The following PA2G4 variants were observed in gnomAD, a reference collection of about 807,000 sequenced individuals.
The protein encoded by PA2G4 is proliferation-associated protein 2G4.
Under a neutral mutation model 53.3 loss-of-function variants are expected in PA2G4, and 8 were observed. The ratio of observed to expected loss-of-function variants is 0.15; its 90% CI spans 0.09 to 0.27. The LOEUF (loss-of-function observed/expected upper bound fraction) is 0.27, where lower values mean the gene tolerates loss of function less well. PA2G4 is among the 10% of genes least tolerant of loss of function. The probability of loss-of-function intolerance (pLI) is 1.00; values close to 1 mark genes in which losing one functional copy is unlikely to be tolerated. For synonymous variants in PA2G4, 143 were observed against 169.8 expected, an observed-to-expected ratio of 0.84 and a Z score of 1.23; for missense variants, 208 against 486.8, an observed-to-expected ratio of 0.43 and a Z score of 5.39.
intron 6 of PA2G4, 139 bp from the exon 7 acceptor site, chr12:56,109,718 C>T (rs960542733): frequency 1.1e-5 from 7 of 660,410 alleles, no homozygotes; most frequent in East Asian, 2.6e-5. Context: ...CCAGTCTAAG[C>T]CAGAAATCTC....
chr12:56,105,587 A>G (rs1869283698), intron 1 of PA2G4, among the ~76,000 whole-genome samples: 2 of 152,162 alleles, frequency 1.3e-5, no homozygotes, highest in South Asian at 2.1e-4. Context: ...TGACAACTCA[A>G]ATGTTTTGGG....
intron 10 of PA2G4, 48 bp downstream of exon 10, chr12:56,111,106 TC>T (rs755759494): frequency 6.2e-7 from 1 of 1,612,632 alleles, no homozygotes; most frequent in South Asian, 1.1e-5. Context: ...TTATAAGATA[TC>T]CTTCCTGTAA....
At chr12:56,107,436 A>T in intron 4 of PA2G4, 85 bp from the exon 5 acceptor site, 1 of 1,083,012 alleles carries the variant, frequency 9.2e-7, no homozygotes, top group Middle Eastern at 2.6e-4. Flanking sequence ...TGGTCTTCGC[A>T]TATGGGCTCA....
At position 56,113,227 on chromosome 12, in the gene PA2G4, G is replaced by A; in HGVS notation, c.*339G>A. 1 of 200,232 alleles carries A rather than the reference G, an allele frequency of 5.0e-6. No homozygotes were observed. Among genetic ancestry groups the A allele is most frequent in the South Asian group, 1.3e-4 (1 of 7,468 alleles). 12.4% of individuals were successfully genotyped at this position (200,232 alleles called of 1,614,324 possible). ...TGGTCAAGGTTTGTGCCCCACTACA[G>A]AACAGGGCTAAATTAGCCACCACCA... On this transcript the variant is annotated 3_prime_UTR_variant, in exon 13 of 13. Coordinates refer to ENST00000303305, the MANE Select transcript of PA2G4 (RefSeq NM_006191.3).
Position 56,106,586 on chromosome 12 carries a change from A to G in PA2G4, c.89-2A>G. The G allele has an allele frequency of 6.4e-7, 1 of 1,567,526 alleles. No individual in the cohort carries two copies. Among genetic ancestry groups the G allele is most frequent in the Non-Finnish European group, 8.6e-7 (1 of 1,165,516 alleles). On this transcript the variant is annotated splice_acceptor_variant, in intron 1 of 12. Transcript: ENST00000303305. LOFTEE classifies it high-confidence loss of function. ...GCTGACATGATGGGATTCTGTCCTC[A>G]GGGGTACTTCGGTCCTTGGTGGAAG...
chr12:56,111,630 T>C, intron 12 of PA2G4, 101 bp downstream of exon 12: 1 of 998,282 alleles, frequency 1.0e-6, no homozygotes, highest in Non-Finnish European at 1.6e-6. Flanking sequence ...ATACAGATGC[T>C]CCTCAACTTA....
intron 3 of PA2G4, 34 bp from the exon 4 acceptor site, chr12:56,107,153 G>C (rs774790622): frequency 1.3e-5 from 21 of 1,603,798 alleles, no homozygotes; most frequent in Non-Finnish European, 1.8e-5. Flanking sequence ...CAAAATGCCA[G>C]TTCCTAATGC....
chr12:56,112,984 G>T lies in PA2G4; in HGVS notation c.*96G>T. ...GTGCAGTTCTTCTCCACCTAGGACC[G>T]CCAGCAGAGCGGGGGGATCTCCCTG... On this transcript the variant is annotated 3_prime_UTR_variant, in exon 13 of 13. Transcript: ENST00000303305. 1 of 774,934 alleles carries T rather than the reference G, an allele frequency of 1.3e-6. No homozygotes were observed. Among genetic ancestry groups the T allele is most frequent in the Non-Finnish European group, 2.0e-6 (1 of 499,980 alleles). 48.0% of individuals were successfully genotyped at this position (774,934 alleles called of 1,614,324 possible).
intron 1 of PA2G4, chr12:56,106,309 G>A: frequency 3.6e-6 from 1 of 281,184 alleles, no homozygotes; most frequent in Non-Finnish European, 6.6e-6. Flanking sequence ...CGTGTATGTG[G>A]GGATACCATG....
chr12:56,109,489 G>A (rs1869372909), intron 6 of PA2G4, among the ~76,000 whole-genome samples, 196 bp downstream of exon 6: 1 of 151,910 alleles, frequency 6.6e-6, no homozygotes, highest in Admixed American at 6.6e-5. Context: ...GCGTGGTGGT[G>A]GGTGCCTGTA....
chr12:56,108,270 C>G (rs1034885826), intron 5 of PA2G4, among the ~76,000 whole-genome samples: 2 of 152,188 alleles, frequency 1.3e-5, no homozygotes, highest in African/African-American at 4.8e-5. Flanking sequence ...TGACCAAGTT[C>G]TTTCACTTAA....
intron 5 of PA2G4, 37 bp downstream of exon 5, chr12:56,107,650 C>G (rs368902723): frequency 1.1e-5 from 16 of 1,434,382 alleles, no homozygotes; most frequent in African/African-American, 2.8e-5. Flanking sequence ...CTCGTTTGAA[C>G]CAAAGATGCA....
chr12:56,110,188 GTC>G (rs1213775160), intron 7 of PA2G4, among the ~76,000 whole-genome samples: 2 of 151,986 alleles, frequency 1.3e-5, no homozygotes, highest in Admixed American at 1.3e-4. Context: ...GCGAAACCCT[GTC>G]TCTACTAAAA....
chr12:56,108,683 G>A (rs929949330), intron 5 of PA2G4, among the ~76,000 whole-genome samples: 6 of 152,162 alleles, frequency 3.9e-5, no homozygotes, highest in Non-Finnish European at 7.3e-5. Context: ...TTGACTTAGT[G>A]ATATTTTCAA....
chr12:56,113,033 A>T lies in PA2G4; in HGVS notation c.*145A>T. The T allele has an allele frequency of 2.0e-6, 1 of 504,740 alleles. No individual in the cohort carries two copies. The highest frequency in any genetic ancestry group is 3.4e-6 in the Non-Finnish European group (1 of 293,074). 31.3% of individuals were successfully genotyped at this position (504,740 alleles called of 1,614,324 possible). A position where few individuals can be genotyped will look rare whatever the true frequency, so the allele number is the denominator to read the frequency against. ...TGCCCCCACCCCAGTTCCCCAACCC[A>T]CTCCCTTCCAACAACAACCAGCTCC... On this transcript the variant is annotated 3_prime_UTR_variant, in exon 13 of 13. Transcript: ENST00000303305.
chr12:56,107,945 C>G (rs1421947745), intron 5 of PA2G4, among the ~76,000 whole-genome samples: 1 of 152,162 alleles, frequency 6.6e-6, no homozygotes, highest in Non-Finnish European at 1.5e-5. Flanking sequence ...GGGAGAATCA[C>G]CTGAGCCTGG....
intron 1 of PA2G4, chr12:56,105,157 C>T (rs1312683143): frequency 3.6e-6 from 2 of 556,660 alleles, no homozygotes; most frequent in Non-Finnish European, 6.8e-6. Flanking sequence ...TCCTCTGATT[C>T]TGGCAGCGGC....
intron 11 of PA2G4, 48 bp from the exon 12 acceptor site, chr12:56,111,428 T>C: frequency 6.2e-7 from 1 of 1,609,004 alleles, no homozygotes; most frequent in Non-Finnish European, 8.5e-7. Context: ...TTATTTTTAA[T>C]TTCCTCCACA....
Position 56,107,218 on chromosome 12 carries a change from G to A in PA2G4, c.355G>A (p.Ala119Thr), listed in dbSNP as rs1592235275. ...TGGGGTCCATGTGGATGGCTTCATC[G>A]CTAATGTAGCTCACACTTTTGTGGT... ...DLGVHVDGFI[A>T]NVAHTFVVDV... is the part of the protein sequence containing the mutation. Residue 119 changes from alanine to threonine, a missense_variant, in exon 4 of 13, where the codon GCT becomes ACT. Physicochemically the swap from Ala to Thr is moderately conservative, Grantham distance 58. This residue lies in a region of PA2G4 where 143 missense variants were observed against 386.8 expected (regional missense o/e 0.37). Transcript: ENST00000303305. 6.2e-7 allele frequency: 1 copy of A among 1,613,488 alleles called. No homozygotes were observed. Among genetic ancestry groups the A allele is most frequent in the Non-Finnish European group, 8.5e-7 (1 of 1,179,854 alleles).
Sources: allele counts gnomAD v4.1 joint callset (sites outside exome capture counted in the v4.1 genomes callset), GRCh38; gene constraint gnomAD v4.1.1; regional missense constraint gnomAD v4.1.1; transcripts MANE v1.5; gene names NCBI Gene and HGNC (gene_info 2026-07-23, HGNC 2026-07-21).